Variants in ZNF474 observed in about 807,000 individuals in gnomAD.
The protein encoded by ZNF474 is 4933409D10Rik.
For synonymous variants in ZNF474, 192 were observed against 162.2 expected (o/e 1.18, Z -1.39); for missense variants, 511 against 433.8 (o/e 1.18, Z -1.58).
intron 1 of ZNF474, among the ~76,000 whole-genome samples, chr5:122,146,573 A>T (rs1056734445): frequency 2.0e-5 from 3 of 152,246 alleles, no homozygotes; most frequent in African/African-American, 7.2e-5. Flanking sequence ...TAACATTATT[A>T]GGATGAATTG....
chr5:122,140,012 T>C (rs1755796357), intron 1 of ZNF474, among the ~76,000 whole-genome samples: 1 of 152,150 alleles, frequency 6.6e-6, no homozygotes, highest in East Asian at 1.9e-4. Flanking sequence ...TGTAGGCCAA[T>C]GGAATTCTCT....
At chr5:122,141,157 TTTATTTTATTTTATTTTTG>T (rs1213790251) in intron 1 of ZNF474, among the ~76,000 whole-genome samples, 852 of 37,336 alleles carry the variant, frequency 0.023, 52 homozygotes, top group South Asian at 0.057. Flanking sequence ...TTTATTTTAT[TTTATTTTATTTTATTTTTG>T]GAAACAGTCT....
intron 1 of ZNF474, among the ~76,000 whole-genome samples, chr5:122,131,319 C>T (rs557058777): frequency 9.2e-5 from 14 of 152,036 alleles, no homozygotes; most frequent in African/African-American, 2.7e-4. Flanking sequence ...GGTATATATC[C>T]AAAGAAAATG....
chr5:122,141,156 TTTTA>T (rs1755833300), intron 1 of ZNF474, among the ~76,000 whole-genome samples: 1 of 39,270 alleles, frequency 2.5e-5, no homozygotes, highest in African/African-American at 4.4e-5. Flanking sequence ...TTTTATTTTA[TTTTA>T]TTTTATTTTA....
chr5:122,142,591 G>GT (rs1755875745), intron 1 of ZNF474, among the ~76,000 whole-genome samples: 1 of 152,162 alleles, frequency 6.6e-6, no homozygotes, highest in Non-Finnish European at 1.5e-5. Flanking sequence ...CATTCTAGTG[G>GT]TTTTCTCCAG....
At chr5:122,142,661 G>A (rs1355222329) in intron 1 of ZNF474, among the ~76,000 whole-genome samples, 1 of 152,148 alleles carries the variant, frequency 6.6e-6, no homozygotes, top group East Asian at 1.9e-4. Flanking sequence ...TGAGGATTCT[G>A]AATCATCAGT....
chr5:122,131,494 C>T (rs1443908527), intron 1 of ZNF474, among the ~76,000 whole-genome samples: 1 of 151,920 alleles, frequency 6.6e-6, no homozygotes, highest in Non-Finnish European at 1.5e-5. Context: ...GAAGAAAATA[C>T]TGCTATTTTC....
intron 1 of ZNF474, among the ~76,000 whole-genome samples, chr5:122,142,494 G>C (rs1021089197): frequency 6.6e-6 from 1 of 152,174 alleles, no homozygotes; most frequent in African/African-American, 2.4e-5. Context: ...AGCTGAAGAG[G>C]TTTTTAAATG....
rs1580611662 is a variant in ZNF474, at chr5:122,152,264, C to A, written c.274C>A (p.Pro92Thr). 1.9e-6 allele frequency: 3 copies of A among 1,614,200 alleles called. No homozygotes were observed. The highest frequency in any genetic ancestry group is 2.5e-6 in the Non-Finnish European group (3 of 1,180,042). ...CCCCCCTGTGATCCCGGCCCGCAGG[C>A]CTGGATTCCGGGTATGCTATATCTG... ...LSPPVIPARR[P>T]GFRVCYICGR... The change falls in exon 2 of 2, where the codon CCT (proline) becomes ACT (threonine). Residue 92 changes from proline to threonine, a missense_variant. Pro to Thr is a conservative substitution (Grantham distance 38). Transcript: ENST00000296600.
Position 122,152,924 on chromosome 5 carries a change from G to A in ZNF474, c.934G>A (p.Gly312Arg). Reference protein sequence around the residue: ...HQRSCKTHPYGPKYQNLNLGS... With the variant: ...HQRSCKTHPYRPKYQNLNLGS... ...GAGAAGTTGTAAAACTCATCCTTAT[G>A]GGCCAAAATATCAGAATTTGAATTT... Residue 312 changes from glycine to arginine, a missense_variant, in exon 2 of 2, where the codon GGG becomes AGG. Coordinates refer to ENST00000296600, the MANE Select transcript of ZNF474 (RefSeq NM_207317.3). 6.2e-7 allele frequency: 1 copy of A among 1,609,972 alleles called. No homozygotes were observed. Among genetic ancestry groups the A allele is most frequent in the South Asian group, 1.1e-5 (1 of 91,038 alleles).
chr5:122,139,172 C>T (rs562324757), intron 1 of ZNF474, among the ~76,000 whole-genome samples: 4 of 152,270 alleles, frequency 2.6e-5, no homozygotes, highest in Non-Finnish European at 5.9e-5. Flanking sequence ...ACACTTTCCC[C>T]TTCAGTTAAC....
chr5:122,152,469 G>C lies in ZNF474; in HGVS notation c.479G>C (p.Ser160Thr). 1 of 1,614,182 alleles carries C rather than the reference G, an allele frequency of 6.2e-7. No individual in the cohort carries two copies. The highest frequency in any genetic ancestry group is 8.5e-7 in the Non-Finnish European group (1 of 1,180,028). Residue 160 changes from serine (S) to threonine (T), a missense_variant, in exon 2 of 2, where the codon AGT becomes ACT. Physicochemically the swap from Ser to Thr is moderately conservative, Grantham distance 58 (BLOSUM62 1). Transcript: ENST00000296600. Reference sequence around the variant, plus strand: ...GCAACTAACGAGGCTGCATTTCAGAGTGCCCAGGCTCAGCTGCTGCCCTGT... The same window carrying C: ...GCAACTAACGAGGCTGCATTTCAGACTGCCCAGGCTCAGCTGCTGCCCTGT... Reference protein sequence around the residue: ...LQATNEAAFQSAQAQLLPCES... With the variant: ...LQATNEAAFQTAQAQLLPCES...
At chr5:122,146,149 C>T (rs1755983670) in intron 1 of ZNF474, among the ~76,000 whole-genome samples, 1 of 152,176 alleles carries the variant, frequency 6.6e-6, no homozygotes, top group African/African-American at 2.4e-5. Flanking sequence ...TTGCATTCTC[C>T]TCCCATTATT....
intron 1 of ZNF474, among the ~76,000 whole-genome samples, chr5:122,140,629 T>G (rs1580601745): frequency 6.6e-6 from 1 of 152,146 alleles, no homozygotes; most frequent in Non-Finnish European, 1.5e-5. Context: ...AAACTGCAAT[T>G]AAATCCAAAG....
At chr5:122,145,566 A>T (rs914709451) in intron 1 of ZNF474, among the ~76,000 whole-genome samples, 1 of 152,172 alleles carries the variant, frequency 6.6e-6, no homozygotes, top group African/African-American at 2.4e-5. Context: ...GAAGAGTGTC[A>T]TATAAAATTT....
chr5:122,131,898 A>G (rs1375364351), intron 1 of ZNF474, among the ~76,000 whole-genome samples: 1 of 152,080 alleles, frequency 6.6e-6, no homozygotes, highest in Admixed American at 6.5e-5. Flanking sequence ...CACCCATTTT[A>G]AGTACAAAAT....
intron 1 of ZNF474, among the ~76,000 whole-genome samples, chr5:122,147,421 A>T (rs1756020665): frequency 6.6e-6 from 1 of 152,198 alleles, no homozygotes; most frequent in Admixed American, 6.5e-5. Context: ...AATGTGCACA[A>T]CGTGCAGTTT....
intron 1 of ZNF474, among the ~76,000 whole-genome samples, chr5:122,149,312 C>T (rs1756099919): frequency 6.6e-6 from 1 of 152,172 alleles, no homozygotes; most frequent in Non-Finnish European, 1.5e-5. Context: ...AAAAAGTCCC[C>T]TGTCACTTAA....
At chr5:122,137,446 CAAAA>C (rs1166694085) in intron 1 of ZNF474, among the ~76,000 whole-genome samples, 11 of 11,604 alleles carry the variant, frequency 9.5e-4, no homozygotes, top group Admixed American at 1.8e-3. Context: ...GACTCTGTCT[CAAAA>C]AAAAAAAAAA....
Sources: gnomAD v4.1 joint callset for allele counts (sites outside exome capture counted in the v4.1 genomes callset) on GRCh38, gnomAD v4.1.1 for gene constraint, MANE v1.5 for transcripts, NCBI Gene and HGNC (gene_info 2026-07-23, HGNC 2026-07-21) for gene names.